EDEM1: variants seen among roughly 807,000 people sequenced by gnomAD.
EDEM1 encodes the protein ER degradation-enhancing alpha-mannosidase-like protein 1.
EDEM1 carries 67 observed loss-of-function variants against 74.4 expected under a neutral mutation model. The ratio of observed to expected loss-of-function variants is 0.90; its 90% confidence interval spans 0.74 to 1.10. EDEM1 has a LOEUF of 1.10. EDEM1 is among the 50% of genes least tolerant of loss of function. The pLI is 0.00. For missense variants in EDEM1, 926 were observed against 851.6 expected, an observed-to-expected ratio of 1.09 and a Z score of -1.09; for synonymous variants, 382 against 335.9, an observed-to-expected ratio of 1.14 and a Z score of -1.50.
chr3:5,206,103 A>G (rs1056188450), intron 6 of EDEM1, among the ~76,000 whole-genome samples: 6 of 152,012 alleles, frequency 3.9e-5, no homozygotes, highest in African/African-American at 1.2e-4. Context: ...AGTTTGTTTA[A>G]AACATTATTC....
chr3:5,214,901 G>C (rs992982625), intron 11 of EDEM1, among the ~76,000 whole-genome samples: 1 of 152,194 alleles, frequency 6.6e-6, no homozygotes, highest in Non-Finnish European at 1.5e-5. Flanking sequence ...CATCCTAGGC[G>C]TTTGTCTGTA....
At chr3:5,207,357 G>A (rs2055111196) in intron 7 of EDEM1, 84 bp downstream of exon 7, 2 of 1,561,296 alleles carry the variant, frequency 1.3e-6, no homozygotes, top group East Asian at 2.3e-5. Flanking sequence ...AATACCCTGA[G>A]CATTCTCTGT....
At chr3:5,195,560 A>G (rs1015980422) in intron 2 of EDEM1, among the ~76,000 whole-genome samples, 2 of 152,208 alleles carry the variant, frequency 1.3e-5, no homozygotes, top group Admixed American at 6.5e-5. Context: ...CTTATTCCCT[A>G]AAAGAACCCA....
chr3:5,187,868 G>A lies in EDEM1; in HGVS notation c.63G>A (p.Leu21=). ...TCCGGCTTGGCCTCCATGGAGTATT[G>A]TGGCTCGTCTTCGGGCTGGGGCCCA... ...VLLRLGLHGV[L]WLVFGLGPSM... The change falls in exon 1 of 12, where the codon TTG becomes TTA. Residue 21 remains leucine, a synonymous_variant. Coordinates refer to ENST00000256497, the MANE Select transcript of EDEM1 (RefSeq NM_014674.3). The A allele has an allele frequency of 6.3e-7, 1 of 1,599,474 alleles. No individual in the cohort carries two copies. Among genetic ancestry groups the A allele is most frequent in the Non-Finnish European group, 8.5e-7 (1 of 1,174,484 alleles).
At position 5,219,102 on chromosome 3, in the gene EDEM1, C is replaced by G. The variant is rs1330531714; in HGVS notation, c.*3184C>G. 1 of 152,152 alleles carries G rather than the reference C, an allele frequency of 6.6e-6. No individual in the cohort carries two copies. The allele number at this position is 152,152 out of a possible 1,614,324, so 9.4% of individuals were successfully genotyped here. On this transcript the variant is annotated 3_prime_UTR_variant, in exon 12 of 12. Coordinates refer to ENST00000256497, the MANE Select transcript of EDEM1 (RefSeq NM_014674.3). Reference sequence around the variant, plus strand: ...TTCCTCCTCCCCTTTCCCCTTCTCCCCACCAAAGGAAAATATCCCTCTTAA... The same window carrying G: ...TTCCTCCTCCCCTTTCCCCTTCTCCGCACCAAAGGAAAATATCCCTCTTAA...
At position 5,188,164 on chromosome 3, in the gene EDEM1, G is replaced by A; in HGVS notation, c.359G>A (p.Gly120Asp). Reference protein sequence around the residue: ...GPDEYEKRYSGAFPPQLRAQM... With the variant: ...GPDEYEKRYSDAFPPQLRAQM... ...GACGAGTACGAGAAGCGCTACAGCG[G>A]CGCCTTCCCTCCGCAGCTGCGTGCC... Residue 120 changes from glycine (G) to aspartate (D), a missense_variant, in exon 1 of 12, where the codon GGC becomes GAC. Gly to Asp is a moderately conservative substitution (Grantham distance 94). Transcript: ENST00000256497. 1.9e-6 allele frequency: 3 copies of A among 1,549,884 alleles called. No homozygotes were observed. The highest frequency in any genetic ancestry group is 2.6e-6 in the Non-Finnish European group (3 of 1,149,036).
intron 10 of EDEM1, 84 bp downstream of exon 10, chr3:5,211,300 T>TA: frequency 7.6e-7 from 1 of 1,321,686 alleles, no homozygotes; most frequent in Non-Finnish European, 1.1e-6. Context: ...GACAGGTACT[T>TA]ACTGGCTAAA....
In EDEM1 at chr3:5,205,364, T is replaced by C; in HGVS notation, c.1217+123T>C. 3 of 972,102 alleles carry C rather than the reference T, an allele frequency of 3.1e-6. No individual in the cohort carries two copies. In the South Asian group the frequency reaches 5.2e-5, roughly 17 times the overall value. The allele number at this position is 972,102 out of a possible 1,614,324, so 60.2% of individuals were successfully genotyped here. On this transcript the variant is annotated intron_variant, in intron 6 of 11. Transcript: ENST00000256497. ...TTATCTCTGCCCTCACCTTACCACC[T>C]CTCCTAGTTTGTCAGTCATCTGGGG...
intron 11 of EDEM1, 124 bp downstream of exon 11, chr3:5,213,646 C>T (rs1020378141): frequency 3.2e-6 from 3 of 927,596 alleles, no homozygotes; most frequent in Non-Finnish European, 3.2e-6. Flanking sequence ...TTTGAAAACA[C>T]CTCCTAAAGA....
chr3:5,198,478 A>C (rs925284168), intron 2 of EDEM1, among the ~76,000 whole-genome samples: 2 of 152,190 alleles, frequency 1.3e-5, no homozygotes, highest in African/African-American at 4.8e-5. Flanking sequence ...CAGAGGAAGC[A>C]ATCAGATATG....
At chr3:5,201,656 CTA>C (rs2106596039) in intron 3 of EDEM1, 95 bp from the exon 4 acceptor site, 1 of 1,438,924 alleles carries the variant, frequency 6.9e-7, no homozygotes, top group South Asian at 1.2e-5. Context: ...AGTTCTGAGT[CTA>C]TGTGGATATG....
At chr3:5,214,887 C>T (rs1200021770) in intron 11 of EDEM1, among the ~76,000 whole-genome samples, 1 of 152,200 alleles carries the variant, frequency 6.6e-6, no homozygotes, top group Non-Finnish European at 1.5e-5. Context: ...GGGGAATCCA[C>T]TTCCATCCTA....
Position 5,205,104 on chromosome 3 carries a change from A to C in EDEM1, c.1080A>C (p.Gly360=), listed in dbSNP as rs1157998986. 1 of 1,614,208 alleles carries C rather than the reference A, an allele frequency of 6.2e-7. No individual in the cohort carries two copies. The highest frequency in any genetic ancestry group is 1.1e-5 in the South Asian group (1 of 91,086). ...ACATTCAGACGGGCCACTGGGTTGG[A>C]AAGCAGAGTGGCCTGGGTGCCGGGC... The part of the protein sequence containing the change: ...VVNIQTGHWV[G]KQSGLGAGLD... Residue 360 remains glycine (G), a synonymous_variant, in exon 6 of 12, where the codon GGA becomes GGC. Coordinates refer to ENST00000256497, the MANE Select transcript of EDEM1 (RefSeq NM_014674.3).
intron 2 of EDEM1, among the ~76,000 whole-genome samples, chr3:5,198,664 T>A (rs79053306): frequency 8.2e-4 from 2 of 2,434 alleles, no homozygotes; most frequent in African/African-American, 1.2e-3. Flanking sequence ...GTATATAGCT[T>A]TTTTTTTTTT....
chr3:5,203,099 G>A lies in EDEM1; in HGVS notation c.992G>A (p.Arg331Gln), dbSNP rs1306130321. The A allele has an allele frequency of 1.2e-5, 20 of 1,610,042 alleles. No individual in the cohort carries two copies. Among genetic ancestry groups the A allele is most frequent in the Non-Finnish European group, 1.6e-5 (19 of 1,178,304 alleles). ...GDSTFEWVAR[R>Q]AVKALWNLRS... ...TCCACATTTGAGTGGGTGGCCAGAC[G>A]AGCAGTGAAAGCCCTTTGGAACCTC... Residue 331 changes from arginine (R) to glutamine (Q), a missense_variant, in exon 5 of 12, where the codon CGA (arginine) becomes CAA (glutamine). By Grantham distance (43) the Arg-to-Gln change is conservative. Transcript: ENST00000256497.
intron 6 of EDEM1, among the ~76,000 whole-genome samples, chr3:5,206,414 G>C (rs929840265): frequency 1.3e-5 from 2 of 151,998 alleles, no homozygotes; most frequent in Admixed American, 1.3e-4. Context: ...CACCATGTTG[G>C]TCAGGCTGGT....
chr3:5,207,661 C>T (rs1030229346), intron 7 of EDEM1, among the ~76,000 whole-genome samples: 1 of 152,106 alleles, frequency 6.6e-6, no homozygotes, highest in South Asian at 2.1e-4. Context: ...CGCCTGCCAC[C>T]ACATCCGGCT....
intron 1 of EDEM1, among the ~76,000 whole-genome samples, chr3:5,193,720 C>T (rs965543387): frequency 6.6e-5 from 10 of 152,246 alleles, no homozygotes; most frequent in Admixed American, 2.6e-4. Context: ...GCCTCAGCCT[C>T]CCTAGTAGCT....
Position 5,213,325 on chromosome 3 carries a change from G to C in EDEM1, c.1687G>C (p.Asp563His). 1 of 1,613,158 alleles carries C rather than the reference G, an allele frequency of 6.2e-7. No individual in the cohort carries two copies. The highest frequency in any genetic ancestry group is 8.5e-7 in the Non-Finnish European group (1 of 1,179,538). ...ETCKYLYLLF[D>H]EDNPVHKSGT... ...TTTTCTCCGTTCCCTCTAGCTGTTT[G>C]ATGAAGACAATCCAGTACACAAGTC... Residue 563 changes from aspartate to histidine, a missense_variant, in exon 11 of 12, where the codon GAT (aspartate) becomes CAT (histidine). Coordinates refer to ENST00000256497, the MANE Select transcript of EDEM1 (RefSeq NM_014674.3).
Sources: gnomAD v4.1 joint callset for allele counts (sites outside exome capture counted in the v4.1 genomes callset) on GRCh38, gnomAD v4.1.1 for gene constraint, MANE v1.5 for transcripts, NCBI Gene and HGNC (gene_info 2026-07-23, HGNC 2026-07-21) for gene names.